The following CCDC85A variants were observed in gnomAD, a reference collection of about 807,000 sequenced individuals.
The protein encoded by CCDC85A is coiled-coil domain-containing protein 85A.
A neutral mutation model predicts 50.2 loss-of-function variants in CCDC85A; 38 were observed. That is an observed-to-expected ratio of 0.76 (90% CI 0.58 to 0.99). The LOEUF (loss-of-function observed/expected upper bound fraction) is 0.99, where lower values mean the gene tolerates loss of function less well. Ranked by LOEUF, CCDC85A falls within the 50% of genes least tolerant of loss-of-function variation. CCDC85A has a pLI of 0.00. For missense variants in CCDC85A, 820 were observed against 742.0 expected (o/e 1.11, Z -1.22); for synonymous variants, 366 against 301.4 (o/e 1.21, Z -2.22).
intron 2 of CCDC85A, among the ~76,000 whole-genome samples, chr2:56,269,336 TG>T (rs1670597200): frequency 7.2e-5 from 1 of 13,872 alleles, no homozygotes; most frequent in East Asian, 1.3e-3. Context: ...TTGGCAAGGG[TG>T]TGTGTGTGTG....
chr2:56,322,124 C>T (rs1330680315), intron 2 of CCDC85A, among the ~76,000 whole-genome samples: 1 of 152,136 alleles, frequency 6.6e-6, no homozygotes, highest in African/African-American at 2.4e-5. Context: ...CTTCCTTACA[C>T]CTTATACAAA....
chr2:56,362,258 C>G (rs1426108311), intron 3 of CCDC85A, among the ~76,000 whole-genome samples: 2 of 152,036 alleles, frequency 1.3e-5, no homozygotes, highest in Non-Finnish European at 2.9e-5. Context: ...ATAGGCAAGA[C>G]TGTGAGGAAC....
chr2:56,260,106 T>C (rs950125338), intron 2 of CCDC85A, among the ~76,000 whole-genome samples: 1 of 152,178 alleles, frequency 6.6e-6, no homozygotes, highest in African/African-American at 2.4e-5. Flanking sequence ...GGGAACCAGA[T>C]GGTCAAAGAG....
intron 2 of CCDC85A, among the ~76,000 whole-genome samples, chr2:56,304,903 AAC>A (rs1491263551): frequency 5.7e-4 from 83 of 146,760 alleles, no homozygotes; most frequent in African/African-American, 2.0e-3. Context: ...AACTAAAAAA[AAC>A]AAAAAACAAA....
chr2:56,309,662 GA>G (rs368043804), intron 2 of CCDC85A, among the ~76,000 whole-genome samples: 65 of 152,246 alleles, frequency 4.3e-4, no homozygotes, highest in African/African-American at 1.3e-3. Flanking sequence ...GTCACATTTA[GA>G]AAACAGTTTT....
intron 2 of CCDC85A, chr2:56,235,192 A>G (rs1450916862): frequency 6.6e-6 from 1 of 152,150 alleles, no homozygotes; most frequent in Admixed American, 6.6e-5. Context: ...TAAATGAAAA[A>G]GTGGATAATC....
In CCDC85A at chr2:56,184,748, G is replaced by A; in HGVS notation, c.124G>A (p.Glu42Lys). ...GGAGGACCTGTCCAAAGTGTCGGAC[G>A]AGGAGCTGCTGCAGTGGAGCAAGGA... The part of the protein sequence containing the change: ...PVEDLSKVSD[E>K]ELLQWSKEEL... The change falls in exon 1 of 6, where the codon GAG becomes AAG. Residue 42 changes from glutamate (E) to lysine (K), a missense_variant. Transcript: ENST00000407595. 5.2e-6 allele frequency: 8 copies of A among 1,543,684 alleles called. No homozygotes were observed. The highest frequency in any genetic ancestry group is 7.0e-6 in the Non-Finnish European group (8 of 1,145,292).
chr2:56,308,306 C>A, intron 2 of CCDC85A, among the ~76,000 whole-genome samples: 1 of 152,126 alleles, frequency 6.6e-6, no homozygotes, highest in East Asian at 1.9e-4. Flanking sequence ...CTATCTGGGA[C>A]TAAAATGGAA....
intron 2 of CCDC85A, among the ~76,000 whole-genome samples, chr2:56,216,552 T>A (rs1381143265): frequency 2.0e-5 from 3 of 151,854 alleles, no homozygotes; most frequent in Non-Finnish European, 4.4e-5. Context: ...ACCGATTATC[T>A]ATGTTTGTTG....
chr2:56,337,717 T>A (rs191340739), intron 2 of CCDC85A, among the ~76,000 whole-genome samples: 3 of 152,098 alleles, frequency 2.0e-5, no homozygotes, highest in Non-Finnish European at 4.4e-5. Flanking sequence ...AATTTCAAAT[T>A]ACCTTATTGT....
chr2:56,224,459 A>G (rs188984501), intron 2 of CCDC85A, among the ~76,000 whole-genome samples: 12 of 152,296 alleles, frequency 7.9e-5, no homozygotes, highest in Admixed American at 7.8e-4. Context: ...TATTTCTTAG[A>G]TAAATACCTA....
At chr2:56,364,783 C>G (rs1356842351) in intron 3 of CCDC85A, among the ~76,000 whole-genome samples, 1 of 152,138 alleles carries the variant, frequency 6.6e-6, no homozygotes, top group Non-Finnish European at 1.5e-5. Flanking sequence ...GGGTCTTGCC[C>G]TCTAATCCAT....
chr2:56,193,227 G>T lies in CCDC85A; in HGVS notation c.1027G>T (p.Ala343Ser), dbSNP rs1307895392. The T allele has an allele frequency of 1.2e-6, 2 of 1,612,256 alleles. No homozygotes were observed. Among genetic ancestry groups the T allele is most frequent in the Non-Finnish European group, 1.7e-6 (2 of 1,179,462 alleles). The change falls in exon 2 of 6, where the codon GCT becomes TCT. Residue 343 changes from alanine to serine, a missense_variant. Transcript: ENST00000407595. Reference protein sequence around the residue: ...GGSPEHLQKHALGGSLEHLPR... With the variant: ...GGSPEHLQKHSLGGSLEHLPR... The stretch of plus-strand genomic sequence containing the variant: ...GAGCCCGGAGCATCTTCAGAAACAC[G>T]CTCTTGGGGGGAGCCTAGAGCATCT...
intron 2 of CCDC85A, among the ~76,000 whole-genome samples, chr2:56,197,171 G>T (rs78774884): frequency 6.6e-6 from 1 of 152,096 alleles, no homozygotes; most frequent in African/African-American, 2.4e-5. Context: ...GAAAGAGCAG[G>T]CTGTTTCTCC....
At chr2:56,212,791 C>T (rs914258506) in intron 2 of CCDC85A, among the ~76,000 whole-genome samples, 3 of 151,898 alleles carry the variant, frequency 2.0e-5, no homozygotes, top group East Asian at 1.9e-4. Flanking sequence ...TTTGGAGCCA[C>T]GCACACCCTG....
intron 3 of CCDC85A, among the ~76,000 whole-genome samples, chr2:56,366,519 C>G (rs1675802311): frequency 6.6e-6 from 1 of 152,132 alleles, no homozygotes; most frequent in South Asian, 2.1e-4. Context: ...AGCATTTTTG[C>G]ATAAATCCTT....
At chr2:56,340,641 C>G (rs181547370) in intron 2 of CCDC85A, among the ~76,000 whole-genome samples, 1 of 151,732 alleles carries the variant, frequency 6.6e-6, no homozygotes, top group Non-Finnish European at 1.5e-5. Context: ...TTTGGGAGGC[C>G]GAGGCGGGAG....
chr2:56,366,413 C>G (rs907870427), intron 3 of CCDC85A, among the ~76,000 whole-genome samples: 3 of 152,140 alleles, frequency 2.0e-5, no homozygotes, highest in Admixed American at 6.5e-5. Flanking sequence ...TTCTTGCCAA[C>G]ACATCTTTTG....
At chr2:56,228,518 C>T (rs1668637080) in intron 2 of CCDC85A, among the ~76,000 whole-genome samples, 2 of 150,170 alleles carry the variant, frequency 1.3e-5, no homozygotes, top group South Asian at 4.2e-4. Context: ...CTCTTTCTCC[C>T]CTTTATTTTT....
Sources: gnomAD v4.1 joint callset for allele counts (sites outside exome capture counted in the v4.1 genomes callset) on GRCh38, gnomAD v4.1.1 for gene constraint, MANE v1.5 for transcripts, NCBI Gene and HGNC (gene_info 2026-07-23, HGNC 2026-07-21) for gene names.